Variants in WDR49 observed in about 807,000 individuals in gnomAD.
WDR49 encodes cilia- and flagella-associated protein 337.
WDR49 carries 107 observed loss-of-function variants against 119.5 expected under a neutral mutation model. The observed-to-expected ratio is 0.90, with a 90% CI of 0.77 to 1.05. WDR49 has a LOEUF of 1.05. WDR49 is among the 50% of genes least tolerant of loss of function. The pLI is 0.00. For synonymous variants in WDR49, 425 were observed against 418.8 expected, an observed-to-expected ratio of 1.01 and a Z score of -0.18; for missense variants, 1,240 against 1,220.5, an observed-to-expected ratio of 1.02 and a Z score of -0.24.
intron 3 of WDR49, among the ~76,000 whole-genome samples, chr3:167,622,388 A>C (rs1284443994): frequency 6.6e-6 from 1 of 152,052 alleles, no homozygotes; most frequent in African/African-American, 2.4e-5. Flanking sequence ...GAAAAAAAGA[A>C]AGAAAGAAAC....
intron 18 of WDR49, among the ~76,000 whole-genome samples, chr3:167,487,649 C>A (rs1468132242): frequency 6.6e-6 from 1 of 151,952 alleles, no homozygotes; most frequent in Non-Finnish European, 1.5e-5. Context: ...GATTTGACAT[C>A]CAGCATCTAT....
intron 11 of WDR49, among the ~76,000 whole-genome samples, chr3:167,536,419 C>T (rs1356553201): frequency 1.3e-5 from 2 of 151,866 alleles, no homozygotes; most frequent in African/African-American, 4.8e-5. Flanking sequence ...TGGCTCACGC[C>T]TGTAATCCCA....
At chr3:167,607,987 A>C (rs1355721258) in intron 5 of WDR49, among the ~76,000 whole-genome samples, 3 of 152,174 alleles carry the variant, frequency 2.0e-5, no homozygotes, top group Non-Finnish European at 4.4e-5. Flanking sequence ...AAGTGAAAGA[A>C]AGGCAAGGAT....
Position 167,549,027 on chromosome 3 carries a change from C to A in WDR49, c.1823+5623G>T, listed in dbSNP as rs531048807. ...TACCTACAAAGGACATGAACTCATC[C>A]TTTTTTATGGCTGCATAATATTGCA... On this transcript the variant is annotated intron_variant, in intron 10 of 18. Transcript: ENST00000682715. Among the ~76,000 whole-genome samples, 9 of 152,148 alleles carry A rather than the reference C, an allele frequency of 5.9e-5. No homozygotes were observed. The East Asian group carries it at 9.7e-4, about 16-fold the overall frequency.
At chr3:167,542,437 C>G (rs1039349178) in intron 10 of WDR49, among the ~76,000 whole-genome samples, 1 of 151,644 alleles carries the variant, frequency 6.6e-6, no homozygotes, top group Non-Finnish European at 1.5e-5. Context: ...TATCAAGTAC[C>G]CTCTCAAACT....
At chr3:167,619,415 T>C (rs1208961373) in intron 5 of WDR49, among the ~76,000 whole-genome samples, 2 of 152,132 alleles carry the variant, frequency 1.3e-5, no homozygotes, top group Non-Finnish European at 2.9e-5. Flanking sequence ...CTACAATTAA[T>C]ATCATGCAGA....
intron 7 of WDR49, among the ~76,000 whole-genome samples, chr3:167,579,720 T>G (rs190130824): frequency 6.6e-6 from 1 of 152,144 alleles, no homozygotes; most frequent in Admixed American, 6.6e-5. Flanking sequence ...ATGTTTATCT[T>G]AAAAAACATG....
At chr3:167,482,259 C>T (rs899788705) in intron 18 of WDR49, among the ~76,000 whole-genome samples, 11 of 152,052 alleles carry the variant, frequency 7.2e-5, no homozygotes, top group African/African-American at 2.7e-4. Flanking sequence ...AATATGTAAG[C>T]TAAGAATATT....
chr3:167,610,613 T>A (rs1174551090), intron 5 of WDR49, among the ~76,000 whole-genome samples: 1 of 152,202 alleles, frequency 6.6e-6, no homozygotes, highest in African/African-American at 2.4e-5. Flanking sequence ...TGGGGGACCT[T>A]GCTGCCCTAA....
At chr3:167,644,422 T>G (rs535196848) in intron 2 of WDR49, among the ~76,000 whole-genome samples, 22 of 152,216 alleles carry the variant, frequency 1.4e-4, no homozygotes, top group Non-Finnish European at 2.4e-4. Context: ...CACATAAATA[T>G]GTACATTTTT....
At chr3:167,628,650 T>C (rs1408239204) in intron 2 of WDR49, among the ~76,000 whole-genome samples, 1 of 152,024 alleles carries the variant, frequency 6.6e-6, no homozygotes, top group Non-Finnish European at 1.5e-5. Context: ...AAAGAAGTCA[T>C]CTCCACAACA....
chr3:167,504,593 G>C (rs950709243), intron 17 of WDR49, among the ~76,000 whole-genome samples: 2 of 152,134 alleles, frequency 1.3e-5, no homozygotes, highest in East Asian at 3.9e-4. Flanking sequence ...TGAGAACTTT[G>C]AACTTTGTAC....
chr3:167,522,068 T>C (rs963016505), intron 16 of WDR49, among the ~76,000 whole-genome samples: 11 of 151,988 alleles, frequency 7.2e-5, no homozygotes, highest in African/African-American at 2.7e-4. Context: ...GATGATGGAG[T>C]AGCAGTAAAA....
Position 167,636,334 on chromosome 3 carries a change from T to TACGTATATATATGTATATAC in WDR49, c.166-9062_166-9043dup, listed in dbSNP as rs1279423433. Among the ~76,000 whole-genome samples the TACGTATATATATGTATATAC allele has an allele frequency of 1.3e-4, 19 of 151,714 alleles. No individual in the cohort carries two copies. The Middle Eastern group carries it at 0.014, about 109-fold the overall frequency. ...GCTGAGTAGTATTCTGTTGTATATA[T>TACGTATATATATGTATATAC]ACGTATATATATGTATATACATGTA... On this transcript the variant is annotated intron_variant, in intron 2 of 18. Coordinates refer to ENST00000682715, the MANE Select transcript of WDR49 (RefSeq NM_001366157.1).
At chr3:167,587,473 C>T (rs1435136266) in intron 7 of WDR49, among the ~76,000 whole-genome samples, 2 of 152,008 alleles carry the variant, frequency 1.3e-5, no homozygotes, top group African/African-American at 4.8e-5. Context: ...GCTGAAAAGA[C>T]ACTGACCTTT....
intron 10 of WDR49, among the ~76,000 whole-genome samples, chr3:167,544,317 T>A (rs1712029823): frequency 6.6e-6 from 1 of 151,952 alleles, no homozygotes; most frequent in South Asian, 2.1e-4. Flanking sequence ...AAAACAAACC[T>A]AAAATTCATA....
chr3:167,510,001 A>G (rs1751906402), intron 16 of WDR49, among the ~76,000 whole-genome samples: 1 of 152,250 alleles, frequency 6.6e-6, no homozygotes, highest in Non-Finnish European at 1.5e-5. Flanking sequence ...CAAGGTCTTA[A>G]AAGTGAAATG....
intron 10 of WDR49, among the ~76,000 whole-genome samples, chr3:167,551,859 C>T (rs1712593634): frequency 6.6e-6 from 1 of 151,780 alleles, no homozygotes; most frequent in Non-Finnish European, 1.5e-5. Flanking sequence ...TGCACACATA[C>T]ACAAATATCC....
chr3:167,637,370 G>A (rs1717670695), intron 2 of WDR49, among the ~76,000 whole-genome samples: 1 of 151,930 alleles, frequency 6.6e-6, no homozygotes, highest in South Asian at 2.1e-4. Flanking sequence ...TTTTATACAA[G>A]TACCATGCTG....
Sources: gnomAD v4.1 joint callset for allele counts (sites outside exome capture counted in the v4.1 genomes callset) on GRCh38, gnomAD v4.1.1 for gene constraint, MANE v1.5 for transcripts, NCBI Gene and HGNC (gene_info 2026-07-23, HGNC 2026-07-21) for gene names.